ZDHHC15: variants seen among roughly 807,000 people sequenced by gnomAD.
ZDHHC15 encodes the protein zDHHC palmitoyltransferase 15.
A neutral mutation model predicts 31.7 loss-of-function variants in ZDHHC15; 19 were observed. The ratio of observed to expected loss-of-function variants is 0.60; its 90% confidence interval spans 0.42 to 0.88. The LOEUF (loss-of-function observed/expected upper bound fraction) is 0.88, where lower values mean the gene tolerates loss of function less well. Among genes scored for constraint, ZDHHC15 ranks in the 40% least tolerant of loss-of-function variants. The pLI, the probability that ZDHHC15 is intolerant of heterozygous loss-of-function variation, is 0.00. For synonymous variants in ZDHHC15, 103 were observed against 90.0 expected, an observed-to-expected ratio of 1.14 and a Z score of -0.82; for missense variants, 209 against 251.2, an observed-to-expected ratio of 0.83 and a Z score of 1.14.
rs149145686 is a variant in ZDHHC15, at chrX:75,486,635, G to A, written c.164-7650C>T. Among the ~76,000 whole-genome samples the A allele has an allele frequency of 7.8e-3, 879 of 112,141 alleles. 11 individuals are homozygous for A. Among genetic ancestry groups the A allele is most frequent in the African/African-American group, 0.026 (814 of 30,895 alleles). On this transcript the variant is annotated intron_variant, in intron 2 of 11. Transcript: ENST00000373367. The stretch of plus-strand genomic sequence containing the variant: ...CCAGCTGCCTGGATATAAACGTGCA[G>A]TTGGGAGGTGGGGCAAAGCAAGAAT...
chrX:75,521,868 G>A (rs1404799356), intron 1 of ZDHHC15, among the ~76,000 whole-genome samples: 2 of 111,365 alleles, frequency 1.8e-5, no homozygotes, highest in Non-Finnish European at 3.8e-5. Context: ...GTGGGAGGTG[G>A]GGAGTGGGTT....
At chrX:75,496,620 C>T (rs918567361) in intron 2 of ZDHHC15, among the ~76,000 whole-genome samples, 2 of 111,571 alleles carry the variant, frequency 1.8e-5, no homozygotes, top group African/African-American at 6.5e-5. Flanking sequence ...AAAAAAGTTT[C>T]AATAAATTTA....
intron 3 of ZDHHC15, among the ~76,000 whole-genome samples, chrX:75,458,066 C>T (rs776369386): frequency 9.0e-6 from 1 of 111,462 alleles, no homozygotes; most frequent in Non-Finnish European, 1.9e-5. Flanking sequence ...ACACACAAAA[C>T]AATGGAAACA....
chrX:75,461,778 A>G (rs1198255758), intron 3 of ZDHHC15, among the ~76,000 whole-genome samples: 2 of 112,157 alleles, frequency 1.8e-5, no homozygotes, highest in Non-Finnish European at 3.8e-5. Context: ...CTCCTGAAGG[A>G]AGCACTAAAT....
chrX:75,422,169 T>G, intron 8 of ZDHHC15, among the ~76,000 whole-genome samples, 179 bp from the exon 9 acceptor site: 1 of 112,103 alleles, frequency 8.9e-6, no homozygotes. Flanking sequence ...AAAAACCAGT[T>G]TAATCACTTC....
At chrX:75,497,298 C>T (rs2148029274) in intron 2 of ZDHHC15, among the ~76,000 whole-genome samples, 1 of 111,509 alleles carries the variant, frequency 9.0e-6, no homozygotes, top group African/African-American at 3.2e-5. Flanking sequence ...GAAACAGAAT[C>T]TCTGAACATC....
At chrX:75,487,981 A>G (rs1248553104) in intron 2 of ZDHHC15, among the ~76,000 whole-genome samples, 1 of 112,401 alleles carries the variant, frequency 8.9e-6, no homozygotes, top group Non-Finnish European at 1.9e-5. Context: ...AAAGACATAG[A>G]AAAATAATTA....
intron 10 of ZDHHC15, among the ~76,000 whole-genome samples, chrX:75,393,739 G>C: frequency 9.0e-6 from 1 of 111,530 alleles, no homozygotes; most frequent in East Asian, 2.8e-4. Context: ...GTATTAGTCA[G>C]CGTTCTCTAG....
At chrX:75,418,083 G>C (rs1164443161) in intron 9 of ZDHHC15, among the ~76,000 whole-genome samples, 1 of 111,691 alleles carries the variant, frequency 9.0e-6, no homozygotes, top group Non-Finnish European at 1.9e-5. Flanking sequence ...ATCTCCCTTT[G>C]ATGTGGTGAT....
chrX:75,385,654 T>A (rs759630035), intron 10 of ZDHHC15, among the ~76,000 whole-genome samples: 13 of 111,427 alleles, frequency 1.2e-4, no homozygotes, highest in Admixed American at 1.1e-3. Context: ...GCTACTTTCT[T>A]CATGTCCCCC....
rs766966909 is a variant in ZDHHC15, at chrX:75,515,403, TC to T, written c.136+7485del. On this transcript the variant is annotated intron_variant, in intron 1 of 11. Transcript: ENST00000373367. ...ATCCACCAAGATCCAGTTGGCTTCATCCCTGGGATGCAAGGCTGGTTCAACA... is the reference window on the plus strand; with the variant it reads ...ATCCACCAAGATCCAGTTGGCTTCATCCTGGGATGCAAGGCTGGTTCAACA... Among the ~76,000 whole-genome samples the T allele has an allele frequency of 9.9e-5, 11 of 111,345 alleles. No homozygotes were observed. In the East Asian group the frequency reaches 3.1e-3, roughly 31 times the overall value.
intron 10 of ZDHHC15, among the ~76,000 whole-genome samples, chrX:75,401,264 A>AG (rs1346046329): frequency 9.0e-6 from 1 of 111,354 alleles, no homozygotes; most frequent in Non-Finnish European, 1.9e-5. Context: ...CCAAAAAAAA[A>AG]AAAAGAAAAG....
chrX:75,467,376 C>T (rs2084423603), intron 3 of ZDHHC15, among the ~76,000 whole-genome samples: 1 of 111,673 alleles, frequency 9.0e-6, no homozygotes, highest in East Asian at 2.8e-4. Context: ...ACTTAACAAA[C>T]TGGCTTTTGT....
At chrX:75,406,417 T>G (rs1341429857) in intron 10 of ZDHHC15, among the ~76,000 whole-genome samples, 2 of 111,145 alleles carry the variant, frequency 1.8e-5, no homozygotes, top group African/African-American at 3.3e-5. Flanking sequence ...AAAAGTTGGA[T>G]TTTTGAAGAT....
intron 2 of ZDHHC15, among the ~76,000 whole-genome samples, chrX:75,486,930 A>G (rs908354420): frequency 2.7e-5 from 3 of 111,279 alleles, no homozygotes; most frequent in East Asian, 5.7e-4. Flanking sequence ...GACAAAAGAC[A>G]TAAACTCCTG....
At chrX:75,468,041 ATTTTTTTTT>A (rs142205044) in intron 3 of ZDHHC15, among the ~76,000 whole-genome samples, 3 of 83,860 alleles carry the variant, frequency 3.6e-5, no homozygotes, top group Non-Finnish European at 7.0e-5. Context: ...AACTGGCATA[ATTTTTTTTT>A]TTTTTTTTTT....
intron 10 of ZDHHC15, among the ~76,000 whole-genome samples, chrX:75,380,121 C>A (rs1366834936): frequency 8.9e-6 from 1 of 111,858 alleles, no homozygotes; most frequent in Non-Finnish European, 1.9e-5. Flanking sequence ...TAAGTTTGGG[C>A]AGAAAGCAAA....
chrX:75,518,022 C>A (rs967599023), intron 1 of ZDHHC15, among the ~76,000 whole-genome samples: 2 of 110,108 alleles, frequency 1.8e-5, no homozygotes, highest in South Asian at 7.6e-4. Context: ...CCAAAACCAA[C>A]CAACCAACCA....
intron 4 of ZDHHC15, among the ~76,000 whole-genome samples, chrX:75,440,559 G>A (rs994851705): frequency 3.0e-4 from 34 of 112,788 alleles, no homozygotes; most frequent in Admixed American, 2.4e-3. Flanking sequence ...GATTACAGGC[G>A]TGAGCCACCG....
Sources: gnomAD v4.1 joint callset for allele counts (sites outside exome capture counted in the v4.1 genomes callset) on GRCh38, gnomAD v4.1.1 for gene constraint, MANE v1.5 for transcripts, NCBI Gene and HGNC (gene_info 2026-07-23, HGNC 2026-07-21) for gene names.